Variants in LRRC72 observed in about 807,000 individuals in gnomAD.
The protein encoded by LRRC72 is leucine rich repeat containing 72.
Under a neutral mutation model 35.8 loss-of-function variants are expected in LRRC72, and 41 were observed. The observed-to-expected ratio is 1.15, with a 90% CI of 0.89 to 1.49. The LOEUF (loss-of-function observed/expected upper bound fraction) is 1.49, where lower values mean the gene tolerates loss of function less well. Ranked by LOEUF, LRRC72 falls within the 40% of genes most tolerant of loss-of-function variation. The pLI, the probability that LRRC72 is intolerant of heterozygous loss-of-function variation, is 0.00. For missense variants in LRRC72, 389 were observed against 330.7 expected, an observed-to-expected ratio of 1.18 and a Z score of -1.37; for synonymous variants, 118 against 119.2, an observed-to-expected ratio of 0.99 and a Z score of 0.07.
intron 3 of LRRC72, among the ~76,000 whole-genome samples, chr7:16,550,061 T>G (rs568405142): frequency 2.2e-4 from 33 of 151,878 alleles, no homozygotes; most frequent in African/African-American, 7.5e-4. Context: ...TCTATGAAAA[T>G]TTTTTAAATT....
chr7:16,542,735 C>T (rs1037593389), intron 3 of LRRC72, among the ~76,000 whole-genome samples: 1 of 152,186 alleles, frequency 6.6e-6, no homozygotes, highest in African/African-American at 2.4e-5. Flanking sequence ...TCCTTCTGGA[C>T]AAATTGTGAG....
intron 7 of LRRC72, among the ~76,000 whole-genome samples, chr7:16,574,612 C>T (rs1254674668): frequency 2.6e-5 from 4 of 151,612 alleles, no homozygotes; most frequent in Admixed American, 1.3e-4. Context: ...AACACATGGA[C>T]GCAGGGAGAG....
intron 3 of LRRC72, among the ~76,000 whole-genome samples, chr7:16,552,813 G>A (rs1181182628): frequency 1.3e-5 from 2 of 152,130 alleles, no homozygotes; most frequent in Admixed American, 6.5e-5. Context: ...GAGCTGCGCT[G>A]GACAGTTCAG....
intron 8 of LRRC72, 59 bp downstream of exon 8, chr7:16,580,160 T>A (rs1340524457): frequency 4.1e-6 from 1 of 243,594 alleles, no homozygotes; most frequent in East Asian, 1.5e-4. Context: ...GTTGTCCCTT[T>A]ACTTCATCTC....
intron 2 of LRRC72, among the ~76,000 whole-genome samples, chr7:16,534,967 A>ACAGCT (rs1782228112): frequency 6.6e-6 from 1 of 152,172 alleles, no homozygotes; most frequent in Admixed American, 6.5e-5. Context: ...AGAGGCTGAG[A>ACAGCT]CAGGTGGATC....
rs1307045342 is a variant in LRRC72 at position 16,527,048 on chromosome 7, C to T, written c.90+6C>T. 1.1e-5 allele frequency: 17 copies of T among 1,536,972 alleles called. No homozygotes were observed. The East Asian group carries it at 2.0e-4, about 18-fold the overall frequency. On this transcript the variant is annotated splice_donor_region_variant and intron_variant, in intron 1 of 8. Transcript: ENST00000401542. ...CCCTACAGAGCAGTCGCCGGGTAAG[C>T]GGCACCTGCCTTCCCAAGCCATCAG...
chr7:16,547,347 T>G (rs1437124488), intron 3 of LRRC72, among the ~76,000 whole-genome samples: 1 of 152,132 alleles, frequency 6.6e-6, no homozygotes, highest in Admixed American at 6.5e-5. Flanking sequence ...GAGCTGGGAC[T>G]GAGGTGGTGC....
intron 5 of LRRC72, among the ~76,000 whole-genome samples, chr7:16,564,284 G>C (rs537496698): frequency 3.3e-5 from 5 of 152,232 alleles, no homozygotes; most frequent in African/African-American, 1.2e-4. Context: ...TTCCTTCTGA[G>C]TTCTCATTAG....
Position 16,576,539 on chromosome 7 carries a change from T to A in LRRC72, c.671-3535T>A, listed in dbSNP as rs902285728. Among the ~76,000 whole-genome samples the A allele has an allele frequency of 5.9e-5, 9 of 152,324 alleles. No individual in the cohort carries two copies. In the East Asian group the frequency reaches 1.7e-3, roughly 29 times the overall value. ...GTCCCATCTATCAGTCCTTATCAAA[T>A]AAGTATGGTTAAAAGGGTTGTACCA... is the stretch of plus-strand genomic sequence containing the variant. On this transcript the variant is annotated intron_variant, in intron 7 of 8. Coordinates refer to ENST00000401542, the MANE Select transcript of LRRC72 (RefSeq NM_001195280.2).
At chr7:16,543,124 T>G (rs1453065661) in intron 3 of LRRC72, among the ~76,000 whole-genome samples, 1 of 152,252 alleles carries the variant, frequency 6.6e-6, no homozygotes, top group African/African-American at 2.4e-5. Flanking sequence ...GCATATTAAC[T>G]ATTATAATAT....
intron 1 of LRRC72, 129 bp downstream of exon 1, chr7:16,527,171 T>C: frequency 2.9e-6 from 2 of 686,030 alleles, no homozygotes; most frequent in Non-Finnish European, 4.9e-6. Flanking sequence ...AAGACGGAGA[T>C]AGGTCAGATT....
chr7:16,567,209 A>G (rs1475181598), intron 6 of LRRC72, among the ~76,000 whole-genome samples, 182 bp from the exon 7 acceptor site: 1 of 152,152 alleles, frequency 6.6e-6, no homozygotes, highest in African/African-American at 2.4e-5. Context: ...TGTGGGGTGT[A>G]TATTGAGTGC....
intron 1 of LRRC72, among the ~76,000 whole-genome samples, chr7:16,527,991 A>G (rs1033416744): frequency 6.6e-6 from 1 of 151,818 alleles, no homozygotes; most frequent in African/African-American, 2.4e-5. Flanking sequence ...TTTGTGATGG[A>G]CTCTTTTTAT....
At chr7:16,559,544 G>C (rs1562747978) in intron 5 of LRRC72, among the ~76,000 whole-genome samples, 1 of 152,092 alleles carries the variant, frequency 6.6e-6, no homozygotes, top group Non-Finnish European at 1.5e-5. Context: ...GTAGCAAGAG[G>C]ATTTACATGT....
At chr7:16,580,157 C>A in intron 8 of LRRC72, 56 bp downstream of exon 8, 1 of 248,772 alleles carries the variant, frequency 4.0e-6, no homozygotes, top group South Asian at 5.9e-5. Context: ...TGTGTTGTCC[C>A]TTTACTTCAT....
chr7:16,556,502 T>G (rs935505669), intron 3 of LRRC72, among the ~76,000 whole-genome samples: 3 of 152,202 alleles, frequency 2.0e-5, no homozygotes, highest in African/African-American at 7.2e-5. Flanking sequence ...GCCCTCTAAT[T>G]GCAGATGGTG....
chr7:16,579,950 G>C (rs930919686), intron 7 of LRRC72, 124 bp from the exon 8 acceptor site: 2 of 205,126 alleles, frequency 9.8e-6, no homozygotes, highest in South Asian at 7.0e-5. Flanking sequence ...AACTATTTGC[G>C]TAAAGAATAA....
At position 16,562,743 on chromosome 7, in the gene LRRC72, C is replaced by T. The variant is rs187693353; in HGVS notation, c.428-3570C>T. On this transcript the variant is annotated intron_variant, in intron 5 of 8. Coordinates refer to ENST00000401542, the MANE Select transcript of LRRC72 (RefSeq NM_001195280.2). ...GGGTCCCTTCCTTTGAGCCTCTTTT[C>T]CTATAATGCCCTTCCAGGTGGGACC... Among the ~76,000 whole-genome samples, 219 of 152,288 alleles carry T rather than the reference C, an allele frequency of 1.4e-3. 2 individuals carry two copies. The highest frequency in any genetic ancestry group is 2.7e-3 in the Non-Finnish European group (184 of 68,020).
Position 16,537,610 on chromosome 7 carries a change from T to TA in LRRC72, c.165-17_165-16insA. 6.8e-7 allele frequency: 1 copy of TA among 1,462,626 alleles called. No homozygotes were observed. Among genetic ancestry groups the TA allele is most frequent in the Admixed American group, 2.3e-5 (1 of 42,898 alleles). 90.6% of individuals were successfully genotyped at this position (1,462,626 alleles called of 1,614,324 possible). A position where few individuals can be genotyped will look rare whatever the true frequency, so the allele number is the denominator to read the frequency against. On this transcript the variant is annotated splice_polypyrimidine_tract_variant and intron_variant, in intron 2 of 8. Transcript: ENST00000401542. ...AACTAATTGTTGCTAATGTTCACAT[T>TA]TTTTTTTTCTTTCCAGGGAACTGAC...
Sources: gnomAD v4.1 joint callset for allele counts (sites outside exome capture counted in the v4.1 genomes callset) on GRCh38, gnomAD v4.1.1 for gene constraint, MANE v1.5 for transcripts, NCBI Gene and HGNC (gene_info 2026-07-23, HGNC 2026-07-21) for gene names.